Variants in AFF3 observed in about 807,000 individuals in gnomAD.
The protein encoded by AFF3 is ALF transcription elongation factor 3.
A neutral mutation model predicts 129.7 loss-of-function variants in AFF3; 32 were observed. The ratio of observed to expected loss-of-function variants is 0.25; its 90% CI spans 0.19 to 0.33. The LOEUF (loss-of-function observed/expected upper bound fraction) is 0.33, where lower values mean the gene tolerates loss of function less well. Among genes scored for constraint, AFF3 ranks in the 10% least tolerant of loss-of-function variants. The pLI is 1.00. For synonymous variants in AFF3, 644 were observed against 635.4 expected (o/e 1.01, Z -0.20); for missense variants, 1,373 against 1,592.0 (o/e 0.86, Z 2.34).
intron 4 of AFF3, among the ~76,000 whole-genome samples, chr2:100,067,145 G>A: frequency 6.9e-6 from 1 of 144,358 alleles, no homozygotes; most frequent in Admixed American, 7.0e-5. Flanking sequence ...CCCTTACCTA[G>A]CACACTTTAA....
At chr2:99,609,480 G>A (rs996322424) in intron 13 of AFF3, among the ~76,000 whole-genome samples, 3 of 152,080 alleles carry the variant, frequency 2.0e-5, no homozygotes, top group African/African-American at 2.4e-5. Context: ...AACACACGAC[G>A]CTTGATTTTC....
At chr2:99,876,908 T>C (rs1309787616) in intron 7 of AFF3, among the ~76,000 whole-genome samples, 3 of 152,158 alleles carry the variant, frequency 2.0e-5, no homozygotes, top group Admixed American at 6.5e-5. Flanking sequence ...CAGGCTCTCA[T>C]TCATATTGAA....
chr2:100,071,014 A>G (rs1035606261), intron 4 of AFF3, among the ~76,000 whole-genome samples: 3 of 152,160 alleles, frequency 2.0e-5, no homozygotes, highest in African/African-American at 7.2e-5. Context: ...ACATTTTGTA[A>G]TATATAAAAG....
chr2:99,832,315 T>G (rs1305704925), intron 8 of AFF3, among the ~76,000 whole-genome samples: 3 of 152,242 alleles, frequency 2.0e-5, no homozygotes, highest in African/African-American at 7.2e-5. Context: ...AAGCTGTTCA[T>G]TCTCAACAGG....
At chr2:99,930,598 C>T (rs1196025729) in intron 7 of AFF3, among the ~76,000 whole-genome samples, 3 of 152,206 alleles carry the variant, frequency 2.0e-5, no homozygotes, top group Non-Finnish European at 1.5e-5. Flanking sequence ...ACAGTTCCTA[C>T]ATTTCTGCAC....
At chr2:100,033,279 A>G (rs1357199444) in intron 4 of AFF3, among the ~76,000 whole-genome samples, 2 of 152,224 alleles carry the variant, frequency 1.3e-5, no homozygotes, top group Admixed American at 6.5e-5. Flanking sequence ...ATTAAAAAAA[A>G]TTAAATTATA....
intron 11 of AFF3, among the ~76,000 whole-genome samples, chr2:99,717,577 G>A (rs1678508988): frequency 6.6e-6 from 1 of 152,022 alleles, no homozygotes; most frequent in South Asian, 2.1e-4. Context: ...TTATAATTTT[G>A]TCATTGAATT....
At chr2:99,684,729 G>A (rs1378020773) in intron 11 of AFF3, among the ~76,000 whole-genome samples, 1 of 150,756 alleles carries the variant, frequency 6.6e-6, no homozygotes. Context: ...CTCCCACCTC[G>A]GCCTCCCAAA....
chr2:99,728,416 C>T (rs1679537095), intron 10 of AFF3, among the ~76,000 whole-genome samples: 1 of 152,220 alleles, frequency 6.6e-6, no homozygotes, highest in African/African-American at 2.4e-5. Context: ...TGGGCCCACA[C>T]ATTGTACCAT....
At chr2:100,094,236 T>C (rs1690101807) in intron 4 of AFF3, among the ~76,000 whole-genome samples, 1 of 152,194 alleles carries the variant, frequency 6.6e-6, no homozygotes, top group Non-Finnish European at 1.5e-5. Context: ...GTAGACTTCA[T>C]TTCTATTATT....
Position 100,078,892 on chromosome 2 carries a change from T to C in AFF3, c.53+25510A>G, listed in dbSNP as rs568282325. 1.2e-3 allele frequency among the ~76,000 whole-genome samples: 183 copies of C among 152,156 alleles called. 2 individuals are homozygous for C. The highest frequency in any genetic ancestry group is 4.0e-3 in the African/African-American group (165 of 41,538). On this transcript the variant is annotated intron_variant, in intron 4 of 24. Coordinates refer to ENST00000672756, the MANE Select transcript of AFF3 (RefSeq NM_001386135.1). ...TGCTATGTAAATAGCTGTTATACTA[T>C]AGTTTCTTTATTTGTATTATTTTTT... is the stretch of plus-strand genomic sequence containing the variant.
At chr2:100,082,785 A>G (rs186775179) in intron 4 of AFF3, among the ~76,000 whole-genome samples, 1 of 152,330 alleles carries the variant, frequency 6.6e-6, no homozygotes, top group African/African-American at 2.4e-5. Flanking sequence ...ATGCATTCCT[A>G]TAAAATGGCT....
chr2:99,792,861 G>C (rs918914255), intron 8 of AFF3, among the ~76,000 whole-genome samples: 1 of 152,152 alleles, frequency 6.6e-6, no homozygotes, highest in Non-Finnish European at 1.5e-5. Flanking sequence ...TTTTGTGAAA[G>C]GTTGATATCA....
intron 12 of AFF3, among the ~76,000 whole-genome samples, chr2:99,658,311 C>A (rs919821181): frequency 6.6e-6 from 1 of 152,068 alleles, no homozygotes; most frequent in Non-Finnish European, 1.5e-5. Flanking sequence ...CTGGGGGACA[C>A]ATGCCTGGTG....
At chr2:99,757,855 A>C (rs967853025) in intron 8 of AFF3, among the ~76,000 whole-genome samples, 1 of 152,178 alleles carries the variant, frequency 6.6e-6, no homozygotes, top group African/African-American at 2.4e-5. Flanking sequence ...TGGCCAAACC[A>C]AGCCACCGTT....
intron 7 of AFF3, among the ~76,000 whole-genome samples, chr2:99,867,151 A>G (rs1691481047): frequency 6.6e-6 from 1 of 152,094 alleles, no homozygotes; most frequent in African/African-American, 2.4e-5. Context: ...AAAACATTCA[A>G]CATAAGGTGT....
chr2:99,759,050 C>CT (rs1682366135), intron 8 of AFF3, among the ~76,000 whole-genome samples: 1 of 152,194 alleles, frequency 6.6e-6, no homozygotes, highest in Non-Finnish European at 1.5e-5. Context: ...TCATATGTCT[C>CT]TGAGTCTCTT....
intron 4 of AFF3, among the ~76,000 whole-genome samples, chr2:100,086,673 T>C (rs1689455481): frequency 1.3e-5 from 2 of 152,246 alleles, no homozygotes; most frequent in Non-Finnish European, 2.9e-5. Flanking sequence ...CTTGAATCTA[T>C]TACCAAGGTT....
intron 7 of AFF3, among the ~76,000 whole-genome samples, chr2:99,899,808 G>A (rs1694222317): frequency 6.6e-6 from 1 of 152,214 alleles, no homozygotes; most frequent in African/African-American, 2.4e-5. Context: ...AAAGGCAAAG[G>A]AAATAACATT....
Sources: allele counts gnomAD v4.1 joint callset (sites outside exome capture counted in the v4.1 genomes callset), GRCh38; gene constraint gnomAD v4.1.1; transcripts MANE v1.5; gene names NCBI Gene and HGNC (gene_info 2026-07-23, HGNC 2026-07-21).